ENTHD1: variants seen among roughly 807,000 people sequenced by gnomAD.
ENTHD1 encodes the protein ENTH domain-containing protein 1.
A neutral mutation model predicts 39.1 loss-of-function variants in ENTHD1; 23 were observed. The ratio of observed to expected loss-of-function variants is 0.59; its 90% CI spans 0.42 to 0.83. The LOEUF is 0.83. ENTHD1 is among the 40% of genes least tolerant of loss of function. ENTHD1 has a pLI of 0.00. For synonymous variants in ENTHD1, 230 were observed against 258.2 expected (o/e 0.89, Z 1.05); for missense variants, 624 against 705.4 (o/e 0.88, Z 1.31).
intron 5 of ENTHD1, among the ~76,000 whole-genome samples, chr22:39,819,506 C>T (rs1205896384): frequency 2.6e-5 from 4 of 151,538 alleles, no homozygotes; most frequent in Non-Finnish European, 4.4e-5. Context: ...TCATACATAC[C>T]ATCTGATTCC....
chr22:39,790,389 G>C (rs1402167236), intron 5 of ENTHD1, among the ~76,000 whole-genome samples: 1 of 152,106 alleles, frequency 6.6e-6, no homozygotes, highest in Non-Finnish European at 1.5e-5. Flanking sequence ...AGGTAGAGCT[G>C]GTAGGAGAGA....
Position 39,887,800 on chromosome 22 carries a change from G to A in ENTHD1, c.-52C>T. ...GGAGGATGAAAGCAATGGAATAACA[G>A]TTTATGTCACGGGTTTATAAAACTC... On this transcript the variant is annotated 5_prime_UTR_variant, in exon 2 of 7. Transcript: ENST00000325157. The A allele has an allele frequency of 7.5e-7, 1 of 1,339,212 alleles. No homozygotes were observed. The highest frequency in any genetic ancestry group is 1.0e-6 in the Non-Finnish European group (1 of 981,700). 83.0% of individuals were successfully genotyped at this position (1,339,212 alleles called of 1,614,324 possible).
chr22:39,843,663 C>T (rs1382594128), intron 3 of ENTHD1, among the ~76,000 whole-genome samples: 1 of 151,658 alleles, frequency 6.6e-6, no homozygotes, highest in Non-Finnish European at 1.5e-5. Flanking sequence ...CAGGAAGGAT[C>T]GGGTCAAGCA....
chr22:39,871,620 T>C (rs1427751354), intron 2 of ENTHD1, among the ~76,000 whole-genome samples: 1 of 152,214 alleles, frequency 6.6e-6, no homozygotes, highest in Non-Finnish European at 1.5e-5. Flanking sequence ...TTTCCCTTTT[T>C]TGTTTACTGT....
At chr22:39,807,485 T>A (rs2065652415) in intron 5 of ENTHD1, among the ~76,000 whole-genome samples, 1 of 152,088 alleles carries the variant, frequency 6.6e-6, no homozygotes, top group Non-Finnish European at 1.5e-5. Flanking sequence ...CCTTTACATA[T>A]AAGACCTTGC....
At position 39,892,673 on chromosome 22, in the gene ENTHD1, A is replaced by ATCC. The variant is rs1368137467; in HGVS notation, c.-156+1021_-156+1022insGGA. 7.2e-3 allele frequency among the ~76,000 whole-genome samples: 1,096 copies of ATCC among 152,364 alleles called. 18 individuals carry two copies. Among genetic ancestry groups the ATCC allele is most frequent in the African/African-American group, 0.025 (1,048 of 41,596 alleles). On this transcript the variant is annotated intron_variant, in intron 1 of 6. Coordinates refer to ENST00000325157, the MANE Select transcript of ENTHD1 (RefSeq NM_152512.4). The stretch of plus-strand genomic sequence containing the variant: ...CTGACTTTATCCAAAGACTTGGGAC[A>ATCC]ATAATGACAATAGCATCTAAGAGGC...
At chr22:39,881,002 A>C (rs140776683) in intron 2 of ENTHD1, among the ~76,000 whole-genome samples, 2 of 152,364 alleles carry the variant, frequency 1.3e-5, no homozygotes, top group Non-Finnish European at 2.9e-5. Context: ...ATCAGCAAAA[A>C]GGAGCCAACA....
At chr22:39,817,941 T>G (rs1313815649) in intron 5 of ENTHD1, among the ~76,000 whole-genome samples, 1 of 152,208 alleles carries the variant, frequency 6.6e-6, no homozygotes, top group Non-Finnish European at 1.5e-5. Flanking sequence ...TCTCATCCAA[T>G]ATGCCTTTCT....
chr22:39,881,168 C>T (rs1388851436), intron 2 of ENTHD1, among the ~76,000 whole-genome samples: 2 of 152,310 alleles, frequency 1.3e-5, no homozygotes, highest in East Asian at 1.9e-4. Context: ...TTAAACGCTA[C>T]GTTAGTTACA....
rs748687673 is a variant in ENTHD1, at chr22:39,743,805, C to T, written c.1698G>A (p.Leu566=). The T allele has an allele frequency of 1.9e-5, 31 of 1,614,006 alleles. No individual in the cohort carries two copies. The South Asian group carries it at 3.3e-4, about 17-fold the overall frequency. ...KRAIARLHED[L]STVIQELNVI... is the part of the protein sequence containing the mutation. ...CATTAAGTTCTTGGATCACTGTGCTCAGATCTTCATGTAATCTAGCGATCG... is the reference window on the plus strand; with the variant it reads ...CATTAAGTTCTTGGATCACTGTGCTTAGATCTTCATGTAATCTAGCGATCG... Residue 566 remains leucine, a synonymous_variant, in exon 7 of 7, where the codon CTG becomes CTA. Transcript: ENST00000325157.
intron 5 of ENTHD1, among the ~76,000 whole-genome samples, chr22:39,803,885 G>T (rs2065619363): frequency 6.6e-6 from 1 of 152,198 alleles, no homozygotes; most frequent in African/African-American, 2.4e-5. Flanking sequence ...GATCTGGTCA[G>T]GTGCGGTGGC....
At chr22:39,828,776 A>G (rs973559999) in intron 4 of ENTHD1, among the ~76,000 whole-genome samples, 4 of 152,204 alleles carry the variant, frequency 2.6e-5, no homozygotes, top group Non-Finnish European at 5.9e-5. Flanking sequence ...TCATTAGCAA[A>G]TCTAATAATA....
rs1438410569 is a variant in ENTHD1 at position 39,867,761 on chromosome 22, C to T, written c.350-5754G>A. On this transcript the variant is annotated intron_variant, in intron 2 of 6. Coordinates refer to ENST00000325157, the MANE Select transcript of ENTHD1 (RefSeq NM_152512.4). This position sits in a 1 kb window ranked among gnomAD's most constrained non-coding sequence, Gnocchi z 4.5. The stretch of plus-strand genomic sequence containing the variant: ...TGAGCCGAGATCGCGCCATTGCACT[C>T]CAGCCTGGGCGATGAGAGCACAACT... Among the ~76,000 whole-genome samples, 1 of 152,008 alleles carries T rather than the reference C, an allele frequency of 6.6e-6. No individual in the cohort carries two copies. The highest frequency in any genetic ancestry group is 2.4e-5 in the African/African-American group (1 of 41,370).
At chr22:39,858,329 T>C (rs1016253505) in intron 3 of ENTHD1, among the ~76,000 whole-genome samples, 2 of 152,230 alleles carry the variant, frequency 1.3e-5, no homozygotes, top group Admixed American at 6.5e-5. Context: ...ATCTTCAGGC[T>C]CCACTTCTAA....
At chr22:39,823,617 T>G (rs1382420121) in intron 4 of ENTHD1, among the ~76,000 whole-genome samples, 5 of 152,156 alleles carry the variant, frequency 3.3e-5, no homozygotes, top group Non-Finnish European at 7.4e-5. Flanking sequence ...CATTCCAAAG[T>G]GCTAGGATTA....
At chr22:39,759,038 G>A (rs184323516) in intron 6 of ENTHD1, among the ~76,000 whole-genome samples, 21 of 152,184 alleles carry the variant, frequency 1.4e-4, no homozygotes, top group African/African-American at 4.8e-4. Context: ...TTCTACATTT[G>A]TGTAAATTTT....
chr22:39,821,365 T>A (rs2065782210), intron 4 of ENTHD1, among the ~76,000 whole-genome samples: 1 of 152,232 alleles, frequency 6.6e-6, no homozygotes, highest in Non-Finnish European at 1.5e-5. Flanking sequence ...GCACTACCTT[T>A]ACCTACCACC....
rs1264045861 is a variant in ENTHD1 at position 39,765,617 on chromosome 22, A to G, written c.833-8T>C. ...AGAGAGTAGGCACAGCATCTATAAA[A>G]GAACAAATAAGAGCTATAATCAAAA... On this transcript the variant is annotated splice_region_variant and splice_polypyrimidine_tract_variant and intron_variant, in intron 5 of 6. Transcript: ENST00000325157. 1 of 1,585,092 alleles carries G rather than the reference A, an allele frequency of 6.3e-7. No individual in the cohort carries two copies. Among genetic ancestry groups the G allele is most frequent in the African/African-American group, 1.4e-5 (1 of 73,408 alleles).
intron 3 of ENTHD1, among the ~76,000 whole-genome samples, chr22:39,836,592 G>T (rs1320033599): frequency 1.3e-5 from 2 of 152,140 alleles, no homozygotes; most frequent in South Asian, 2.1e-4. Flanking sequence ...TTAGATAAAA[G>T]AACTCAACAC....
Sources: allele counts gnomAD v4.1 joint callset (sites outside exome capture counted in the v4.1 genomes callset), GRCh38; gene constraint gnomAD v4.1.1; non-coding constraint Gnocchi (gnomAD v3.1); transcripts MANE v1.5; gene names NCBI Gene and HGNC (gene_info 2026-07-23, HGNC 2026-07-21).